The following CCDC122 variants were observed in gnomAD, a reference collection of about 807,000 sequenced individuals.
CCDC122 encodes coiled-coil domain containing 122.
Under a neutral mutation model 37.0 loss-of-function variants are expected in CCDC122, and 38 were observed. The ratio of observed to expected loss-of-function variants is 1.03; its 90% CI spans 0.79 to 1.35. The LOEUF (loss-of-function observed/expected upper bound fraction) is 1.35. CCDC122 is among the 40% of genes most tolerant of loss of function. The pLI, the probability that CCDC122 is intolerant of heterozygous loss-of-function variation, is 0.00. For missense variants in CCDC122, 305 were observed against 310.0 expected (o/e 0.98, Z 0.12); for synonymous variants, 83 against 95.6 (o/e 0.87, Z 0.77).
chr13:43,837,033 CAGAG>C lies in CCDC122; in HGVS notation c.*243_*246del. On this transcript the variant is annotated 3_prime_UTR_variant, in exon 7 of 7. Coordinates refer to ENST00000444614, the MANE Select transcript of CCDC122 (RefSeq NM_144974.5). ...ACATTTTACACACTCCAAATAGTCA[CAGAG>C]ACTCTTGCATTATTTTCCCGTAGAC... The C allele has an allele frequency of 2.4e-6, 1 of 416,654 alleles. No individual in the cohort carries two copies. The highest frequency in any genetic ancestry group is 4.3e-5 in the South Asian group (1 of 23,246). 25.8% of individuals were successfully genotyped at this position (416,654 alleles called of 1,614,324 possible).
downstream of CCDC122, among the ~76,000 whole-genome samples, chr13:43,819,102 T>G (rs556270021): frequency 2.0e-5 from 3 of 152,326 alleles, no homozygotes; most frequent in East Asian, 5.8e-4. Flanking sequence ...ACCTCACTTA[T>G]TAGATAAAAG....
At chr13:43,877,495 T>G (rs1954655388) in intron 1 of CCDC122, among the ~76,000 whole-genome samples, 1 of 152,210 alleles carries the variant, frequency 6.6e-6, no homozygotes, top group African/African-American at 2.4e-5. Flanking sequence ...TTTCCACTTA[T>G]TTCTTGGCTA....
intron 6 of CCDC122, among the ~76,000 whole-genome samples, chr13:43,856,865 G>A (rs1953928946): frequency 6.6e-6 from 1 of 152,052 alleles, no homozygotes; most frequent in Admixed American, 6.5e-5. Flanking sequence ...ATAAATATAT[G>A]TACATGTTAG....
At position 43,837,318 on chromosome 13, in the gene CCDC122, C is replaced by A; in HGVS notation, c.784G>T (p.Ala262Ser). Reference protein sequence around the residue: ...QWNIQQLEKTAAELRKCIGMQ... With the variant: ...QWNIQQLEKTSAELRKCIGMQ... ...CCAATGCATTTTCTTAATTCGGCTG[C>A]AGTTTTTTCCAATTGTTGAATGTTC... The change falls in exon 7 of 7, where the codon GCA (alanine) becomes TCA (serine). Residue 262 changes from alanine to serine, a missense_variant. Physicochemically the swap from Ala to Ser is moderately conservative, Grantham distance 99 (BLOSUM62 1). Transcript: ENST00000444614. The A allele has an allele frequency of 6.2e-7, 1 of 1,613,990 alleles. No homozygotes were observed. Among genetic ancestry groups the A allele is most frequent in the Non-Finnish European group, 8.5e-7 (1 of 1,179,980 alleles).
At chr13:43,875,433 T>A (rs947078186) in intron 1 of CCDC122, among the ~76,000 whole-genome samples, 1 of 152,200 alleles carries the variant, frequency 6.6e-6, no homozygotes, top group Non-Finnish European at 1.5e-5. Flanking sequence ...CAGATTTAAC[T>A]GGGTTAAAGA....
intron 4 of CCDC122, among the ~76,000 whole-genome samples, chr13:43,861,754 A>G (rs894590522): frequency 6.6e-6 from 1 of 152,228 alleles, no homozygotes; most frequent in Non-Finnish European, 1.5e-5. Flanking sequence ...CTCACTTGAC[A>G]TTTTTATATG....
intron 6 of CCDC122, among the ~76,000 whole-genome samples, chr13:43,853,289 G>A (rs1953803849): frequency 6.6e-6 from 1 of 151,788 alleles, no homozygotes; most frequent in Non-Finnish European, 1.5e-5. Context: ...AGGGATAGAG[G>A]AAAATCCACC....
intron 6 of CCDC122, chr13:43,849,096 C>CT (rs1953640436): frequency 4.7e-6 from 4 of 857,526 alleles, no homozygotes; most frequent in African/African-American, 1.8e-5. Context: ...TGTGAAGAAT[C>CT]TTTAAGTTCT....
intron 6 of CCDC122, among the ~76,000 whole-genome samples, chr13:43,853,108 T>G (rs922828323): frequency 6.6e-6 from 1 of 151,370 alleles, no homozygotes; most frequent in Non-Finnish European, 1.5e-5. Context: ...GTTACCATCA[T>G]GATGACAGGA....
At chr13:43,820,520 A>G (rs1952985712), downstream of CCDC122, among the ~76,000 whole-genome samples, 1 of 152,214 alleles carries the variant, frequency 6.6e-6, no homozygotes. Context: ...AACATCAATA[A>G]TAATACTGTC....
intron 6 of CCDC122, among the ~76,000 whole-genome samples, chr13:43,857,592 ATTCT>A (rs1953960303): frequency 6.6e-6 from 1 of 151,820 alleles, no homozygotes; most frequent in South Asian, 2.1e-4. Flanking sequence ...TAATTTCTGG[ATTCT>A]TTTTTTCATT....
At chr13:43,822,077 G>T (rs148349875), downstream of CCDC122, among the ~76,000 whole-genome samples, 42 of 152,314 alleles carry the variant, frequency 2.8e-4, no homozygotes, top group East Asian at 7.9e-3. Context: ...GGTCACTGAA[G>T]AGTTAGGCAT....
chr13:43,870,246 T>C (rs1954402863), intron 2 of CCDC122, among the ~76,000 whole-genome samples: 1 of 152,124 alleles, frequency 6.6e-6, no homozygotes, highest in Admixed American at 6.6e-5. Context: ...AAATTTATAA[T>C]TCTTTCCTGT....
chr13:43,858,924 A>C (rs1469186032), intron 5 of CCDC122, 27 bp from the exon 6 acceptor site: 2 of 1,353,044 alleles, frequency 1.5e-6, no homozygotes, highest in Non-Finnish European at 2.0e-6. Context: ...TTTGAAATAT[A>C]GAAGTCAAAA....
At chr13:43,828,352 C>T (rs1466382758) in intron 3 of CCDC122, among the ~76,000 whole-genome samples, 3 of 152,118 alleles carry the variant, frequency 2.0e-5, no homozygotes, top group South Asian at 4.1e-4. Context: ...AGGAATGTTT[C>T]GAGCCTAATG....
Position 43,874,298 on chromosome 13 carries a change from T to C in CCDC122, c.-114+544A>G, listed in dbSNP as rs559415874. Among the ~76,000 whole-genome samples, 3 of 152,336 alleles carry C rather than the reference T, an allele frequency of 2.0e-5. No individual in the cohort carries two copies. The South Asian group carries it at 6.2e-4, about 32-fold the overall frequency. On this transcript the variant is annotated intron_variant, in intron 2 of 6. Coordinates refer to ENST00000444614, the MANE Select transcript of CCDC122 (RefSeq NM_144974.5). ...CATTAGGGTTATTGTGAAGACTAAA[T>C]GAAATAATGCATGTAAAGCATTTAG...
chr13:43,875,640 A>T (rs564279478), intron 1 of CCDC122, among the ~76,000 whole-genome samples: 1 of 152,344 alleles, frequency 6.6e-6, no homozygotes, highest in Non-Finnish European at 1.5e-5. Flanking sequence ...TATCTCTAAT[A>T]ACAATCCTAG....
chr13:43,848,180 T>C (rs1231321842), intron 6 of CCDC122, among the ~76,000 whole-genome samples: 2 of 152,236 alleles, frequency 1.3e-5, no homozygotes, highest in Non-Finnish European at 2.9e-5. Flanking sequence ...TATTACATCA[T>C]ACTAAATTAA....
chr13:43,874,164 C>A (rs1212273628), intron 2 of CCDC122, among the ~76,000 whole-genome samples: 2 of 152,056 alleles, frequency 1.3e-5, no homozygotes, highest in Non-Finnish European at 2.9e-5. Context: ...TAAGACAGAG[C>A]TAGTTTTAAA....
Sources: gnomAD v4.1 joint callset for allele counts (sites outside exome capture counted in the v4.1 genomes callset) on GRCh38, gnomAD v4.1.1 for gene constraint, MANE v1.5 for transcripts, NCBI Gene and HGNC (gene_info 2026-07-23, HGNC 2026-07-21) for gene names.